CCNJ: variants seen among roughly 807,000 people sequenced by gnomAD.
CCNJ encodes the protein cyclin J, also known as cyclin-J.
A neutral mutation model predicts 41.4 loss-of-function variants in CCNJ; 12 were observed. That is an observed-to-expected ratio of 0.29 (90% CI 0.19 to 0.47). The LOEUF (loss-of-function observed/expected upper bound fraction) is 0.47, where lower values mean the gene tolerates loss of function less well. Ranked by LOEUF, CCNJ falls within the 20% of genes least tolerant of loss-of-function variation. CCNJ has a pLI of 1.00. For synonymous variants in CCNJ, 161 were observed against 173.4 expected (o/e 0.93, Z 0.56); for missense variants, 340 against 464.6 (o/e 0.73, Z 2.47).
intron 3 of CCNJ, among the ~76,000 whole-genome samples, chr10:96,055,327 G>A (rs1379616800): frequency 6.6e-6 from 1 of 152,136 alleles, no homozygotes; most frequent in African/African-American, 2.4e-5. Context: ...CCTGGCATAG[G>A]CATAATATGA....
chr10:96,054,099 C>T (rs1306720326), intron 3 of CCNJ, among the ~76,000 whole-genome samples: 1 of 152,164 alleles, frequency 6.6e-6, no homozygotes, highest in African/African-American at 2.4e-5. Flanking sequence ...CTGATATGAA[C>T]ATATCCTACA....
rs192767468 is a variant in CCNJ, at chr10:96,052,749, C to A, written c.280+2283C>A. Among the ~76,000 whole-genome samples the A allele has an allele frequency of 3.0e-4, 45 of 152,228 alleles. No homozygotes were observed. The East Asian group carries it at 8.3e-3, about 28-fold the overall frequency. On this transcript the variant is annotated intron_variant, in intron 3 of 5. Transcript: ENST00000465148. The stretch of plus-strand genomic sequence containing the variant: ...CTATTACTGAAAGAACTGGATACCT[C>A]CCTCCTTTTTCTGCTGATGCCTCCT...
At position 96,052,886 on chromosome 10, in the gene CCNJ, T is replaced by C. The variant is rs544363872; in HGVS notation, c.280+2420T>C. 7.2e-5 allele frequency among the ~76,000 whole-genome samples: 11 copies of C among 152,326 alleles called. No individual in the cohort carries two copies. The East Asian group carries it at 1.9e-3, about 27-fold the overall frequency. The stretch of plus-strand genomic sequence containing the variant: ...ATTTCTGCTCCTCCCAAGTAGCAAG[T>C]TGTTCAAAAGAGTTTGAGCTATCAG... On this transcript the variant is annotated intron_variant, in intron 3 of 5. Coordinates refer to ENST00000465148, the MANE Select transcript of CCNJ (RefSeq NM_001134375.2).
intron 3 of CCNJ, among the ~76,000 whole-genome samples, chr10:96,051,756 GATTTT>G (rs1329721390): frequency 1.3e-5 from 2 of 152,130 alleles, no homozygotes; most frequent in East Asian, 3.8e-4. Flanking sequence ...TCTCTTCTCA[GATTTT>G]ATTTTCTGAC....
intron 2 of CCNJ, among the ~76,000 whole-genome samples, chr10:96,048,396 C>T (rs978150542): frequency 6.6e-6 from 1 of 152,166 alleles, no homozygotes; most frequent in Non-Finnish European, 1.5e-5. Context: ...TTTACACTCC[C>T]ACCAACAGTG....
chr10:96,055,279 T>C (rs2080650142), intron 3 of CCNJ, among the ~76,000 whole-genome samples: 1 of 152,232 alleles, frequency 6.6e-6, no homozygotes, highest in Non-Finnish European at 1.5e-5. Context: ...CCTGCTTCCT[T>C]GGGCTTAGAT....
rs147335964 is a variant in CCNJ, at chr10:96,055,099, C to CT, written c.281-1599dup. Among the ~76,000 whole-genome samples, 13 of 152,286 alleles carry CT rather than the reference C, an allele frequency of 8.5e-5. No homozygotes were observed. The East Asian group carries it at 1.2e-3, about 14-fold the overall frequency. ...ATACAGACCACTTTAGTGCTTTCAA[C>CT]TTTAAGTATTTGCTATTGGCAAAAC... On this transcript the variant is annotated intron_variant, in intron 3 of 5. Coordinates refer to ENST00000465148, the MANE Select transcript of CCNJ (RefSeq NM_001134375.2).
In CCNJ at chr10:96,057,890, A is replaced by C; in HGVS notation, c.801A>C (p.Ser267=). Residue 267 remains serine (S), a synonymous_variant, in exon 6 of 6, where the codon TCA becomes TCC. Transcript: ENST00000465148. The part of the protein sequence containing the change: ...NKQRGQAGPQ[S]AQLSVFQTAS... Reference sequence around the variant, plus strand: ...AGAGAGGGCAAGCAGGACCTCAGTCAGCGCAACTAAGTGTATTCCAGACAG... The same window carrying C: ...AGAGAGGGCAAGCAGGACCTCAGTCCGCGCAACTAAGTGTATTCCAGACAG... The C allele has an allele frequency of 6.2e-7, 1 of 1,614,228 alleles. No homozygotes were observed. Among genetic ancestry groups the C allele is most frequent in the African/African-American group, 1.3e-5 (1 of 75,068 alleles).
chr10:96,045,019 C>T (rs1041286626), intron 2 of CCNJ, among the ~76,000 whole-genome samples: 1 of 152,190 alleles, frequency 6.6e-6, no homozygotes, highest in African/African-American at 2.4e-5. Context: ...ATAGTAAGCA[C>T]TAAGTGATAA....
chr10:96,043,699 C>T lies in CCNJ; in HGVS notation c.-62C>T, dbSNP rs2080275843. On this transcript the variant is annotated 5_prime_UTR_variant, in exon 1 of 6. Transcript: ENST00000465148. ...CCGCCGCACGACGGCGGGGCTGGGG[C>T]TGTGAGGGCCGCGGTTCCGGGTAAG... 2 of 393,210 alleles carry T rather than the reference C, an allele frequency of 5.1e-6. No individual in the cohort carries two copies. The highest frequency in any genetic ancestry group is 2.1e-5 in the African/African-American group (1 of 48,426). 24.4% of individuals were successfully genotyped at this position (393,210 alleles called of 1,614,324 possible). A position where few individuals can be genotyped will look rare whatever the true frequency, so the allele number is the denominator to read the frequency against.
Position 96,056,225 on chromosome 10 carries a change from C to T in CCNJ, c.281-476C>T, listed in dbSNP as rs888326729. Among the ~76,000 whole-genome samples, 9 of 151,782 alleles carry T rather than the reference C, an allele frequency of 5.9e-5. No individual in the cohort carries two copies. The South Asian group carries it at 8.4e-4, about 14-fold the overall frequency. ...TCGGGAGGCTGAGGCAGGAGAATGG[C>T]GTGAACCCGGGAGGTGGAGCTTGCA... On this transcript the variant is annotated intron_variant, in intron 3 of 5. Coordinates refer to ENST00000465148, the MANE Select transcript of CCNJ (RefSeq NM_001134375.2).
Position 96,058,656 on chromosome 10 carries a change from G to A in CCNJ, c.*415G>A, listed in dbSNP as rs976620313. 19 of 399,660 alleles carry A rather than the reference G, an allele frequency of 4.8e-5. 1 individual carries two copies. The highest frequency in any genetic ancestry group is 3.7e-4 in the African/African-American group (18 of 48,608). The allele number at this position is 399,660 out of a possible 1,614,324, so 24.8% of individuals were successfully genotyped here. A position where few individuals can be genotyped will look rare whatever the true frequency, so the allele number is the denominator to read the frequency against. ...ACTTGCCAAACAGTCTTTTATGAAG[G>A]AAAGTTACAGTATTAATTTTTGAAA... On this transcript the variant is annotated 3_prime_UTR_variant, in exon 6 of 6. Transcript: ENST00000465148.
chr10:96,053,815 C>A (rs1185508667), intron 3 of CCNJ, among the ~76,000 whole-genome samples: 1 of 152,134 alleles, frequency 6.6e-6, no homozygotes, highest in Non-Finnish European at 1.5e-5. Context: ...GTTTAATTTA[C>A]ATCTCAATTT....
chr10:96,043,932 C>T (rs2080284959), intron 1 of CCNJ, among the ~76,000 whole-genome samples: 4 of 152,200 alleles, frequency 2.6e-5, no homozygotes, highest in Admixed American at 2.6e-4. Flanking sequence ...CGCTCACCCC[C>T]GGGCTTTGCC....
At chr10:96,047,477 G>A (rs1348083684) in intron 2 of CCNJ, among the ~76,000 whole-genome samples, 1 of 152,094 alleles carries the variant, frequency 6.6e-6, no homozygotes, top group Non-Finnish European at 1.5e-5. Context: ...GCGAGACCCT[G>A]TTGTACAGAA....
At position 96,058,543 on chromosome 10, in the gene CCNJ, A is replaced by G. The variant is rs1470406318; in HGVS notation, c.*302A>G. 1 of 459,006 alleles carries G rather than the reference A, an allele frequency of 2.2e-6. No homozygotes were observed. Among genetic ancestry groups the G allele is most frequent in the East Asian group, 3.2e-5 (1 of 31,622 alleles). The allele number at this position is 459,006 out of a possible 1,614,324, so 28.4% of individuals were successfully genotyped here. A position where few individuals can be genotyped will look rare whatever the true frequency, so the allele number is the denominator to read the frequency against. ...CAACAGAAAATTTGGACAGACTTCA[A>G]TTTGCCATTTTGAGATTTGACCTGT... On this transcript the variant is annotated 3_prime_UTR_variant, in exon 6 of 6. Transcript: ENST00000465148.
Position 96,057,146 on chromosome 10 carries a change from G to A in CCNJ, c.639G>A (p.Ser213=), listed in dbSNP as rs77229122. ...TAGCTGCTGCATGTGTGGCTTCTTC[G>A]AGGATTATACTTCGTCTTTCTCCAA... ...SLVAAACVAS[S]RIILRLSPTW... The change falls in exon 5 of 6, where the codon TCG becomes TCA. Residue 213 remains serine, a synonymous_variant. Transcript: ENST00000465148. 232 of 1,613,998 alleles carry A rather than the reference G, an allele frequency of 1.4e-4. No individual in the cohort carries two copies. In the African/African-American group the frequency reaches 2.2e-3, roughly 15 times the overall value.
chr10:96,046,718 A>G (rs903685466), intron 2 of CCNJ, among the ~76,000 whole-genome samples: 8 of 152,212 alleles, frequency 5.3e-5, no homozygotes, highest in Non-Finnish European at 1.0e-4. Flanking sequence ...TGTGTTTACT[A>G]GGGAAGAGTG....
intron 2 of CCNJ, among the ~76,000 whole-genome samples, chr10:96,044,852 C>G (rs2080318228): frequency 6.6e-6 from 1 of 152,220 alleles, no homozygotes; most frequent in African/African-American, 2.4e-5. Context: ...AATTCCTCAG[C>G]CTTTCCGCTA....
Sources: gnomAD v4.1 joint callset for allele counts (sites outside exome capture counted in the v4.1 genomes callset) on GRCh38, gnomAD v4.1.1 for gene constraint, MANE v1.5 for transcripts, NCBI Gene and HGNC (gene_info 2026-07-23, HGNC 2026-07-21) for gene names.